The following LHFPL3 variants were observed in gnomAD, a reference collection of about 807,000 sequenced individuals.
LHFPL3 encodes LHFPL tetraspan subfamily member 3 protein.
A neutral mutation model predicts 19.3 loss-of-function variants in LHFPL3; 5 were observed. That is an observed-to-expected ratio of 0.26 (90% CI 0.14 to 0.54). The LOEUF (loss-of-function observed/expected upper bound fraction) is 0.54. LHFPL3 is among the 20% of genes least tolerant of loss of function. The pLI, the probability that LHFPL3 is intolerant of heterozygous loss-of-function variation, is 0.94. For missense variants in LHFPL3, 249 were observed against 307.4 expected (o/e 0.81, Z 1.42); for synonymous variants, 133 against 126.2 (o/e 1.05, Z -0.36).
intron 1 of LHFPL3, among the ~76,000 whole-genome samples, chr7:104,440,725 C>T (rs190131562): frequency 9.2e-5 from 14 of 152,142 alleles, no homozygotes; most frequent in East Asian, 5.8e-4. Context: ...ACATAGATTA[C>T]GTAAATCAAC....
intron 1 of LHFPL3, among the ~76,000 whole-genome samples, chr7:104,735,749 A>C (rs890907364): frequency 6.6e-6 from 1 of 152,220 alleles, no homozygotes; most frequent in Non-Finnish European, 1.5e-5. Flanking sequence ...AGATGAACCC[A>C]GTACCTCAGT....
chr7:104,757,469 T>A (rs1239317467), intron 2 of LHFPL3: 1 of 150,934 alleles, frequency 6.6e-6, no homozygotes, highest in Non-Finnish European at 1.5e-5. Context: ...CCAACAAAGG[T>A]TTAATATCCA....
intron 1 of LHFPL3, among the ~76,000 whole-genome samples, chr7:104,461,519 T>G (rs184450315): frequency 9.2e-5 from 14 of 152,214 alleles, no homozygotes; most frequent in African/African-American, 3.1e-4. Flanking sequence ...GTTATAAGTA[T>G]GCAGCCTTAT....
At chr7:104,355,768 G>A (rs1159818714) in intron 1 of LHFPL3, among the ~76,000 whole-genome samples, 6 of 152,098 alleles carry the variant, frequency 3.9e-5, no homozygotes, top group Admixed American at 2.0e-4. Flanking sequence ...AAATTGGACC[G>A]GGACCTGAAA....
chr7:104,726,110 A>G lies in LHFPL3; in HGVS notation c.446-10565A>G, dbSNP rs140017408. Among the ~76,000 whole-genome samples, 629 of 150,690 alleles carry G rather than the reference A, an allele frequency of 4.2e-3. 4 individuals carry two copies. Among genetic ancestry groups the G allele is most frequent in the African/African-American group, 0.014 (579 of 41,086 alleles). On this transcript the variant is annotated intron_variant, in intron 1 of 2. Coordinates refer to ENST00000424859, the MANE Select transcript of LHFPL3 (RefSeq NM_199000.3). Reference sequence around the variant, plus strand: ...AGTACTTGTAATCTGTTGTCTAATCATAACAAAGTTGCTTCTGTTAAATGT... The same window carrying G: ...AGTACTTGTAATCTGTTGTCTAATCGTAACAAAGTTGCTTCTGTTAAATGT...
intron 1 of LHFPL3, among the ~76,000 whole-genome samples, chr7:104,351,601 T>C (rs528576567): frequency 1.3e-5 from 2 of 152,350 alleles, no homozygotes; most frequent in Admixed American, 6.5e-5. Context: ...TAAATCATAG[T>C]TTAAAATTTT....
intron 1 of LHFPL3, among the ~76,000 whole-genome samples, chr7:104,640,534 G>T (rs6947260): frequency 0.12 from 18,214 of 152,138 alleles, 1,185 homozygotes; most frequent in Non-Finnish European, 0.14. Context: ...ATGGGCATTT[G>T]GTTTGGTTCC....
chr7:104,672,026 T>C (rs1411765084), intron 1 of LHFPL3, among the ~76,000 whole-genome samples: 1 of 151,794 alleles, frequency 6.6e-6, no homozygotes, highest in Non-Finnish European at 1.5e-5. Flanking sequence ...GAATACCTTT[T>C]CTTTTTTCCT....
intron 1 of LHFPL3, among the ~76,000 whole-genome samples, 185 bp from the exon 2 acceptor site, chr7:104,736,490 C>A (rs1243641008): frequency 2.0e-5 from 3 of 148,510 alleles, no homozygotes; most frequent in African/African-American, 7.6e-5. Flanking sequence ...AACACACACA[C>A]GTGCACGTTT....
chr7:104,624,772 G>A (rs1388133428), intron 1 of LHFPL3, among the ~76,000 whole-genome samples: 4 of 152,200 alleles, frequency 2.6e-5, no homozygotes. Context: ...ATGGCAGGTT[G>A]AGATCTATGA....
chr7:104,791,294 C>G (rs1484449246), intron 2 of LHFPL3, among the ~76,000 whole-genome samples: 10 of 152,178 alleles, frequency 6.6e-5, no homozygotes, highest in Admixed American at 6.5e-4. Context: ...GAGAACAAAG[C>G]CTGTGGGCAA....
At chr7:104,370,640 T>G (rs1790595087) in intron 1 of LHFPL3, among the ~76,000 whole-genome samples, 1 of 152,166 alleles carries the variant, frequency 6.6e-6, no homozygotes, top group Non-Finnish European at 1.5e-5. Context: ...CCCAGCACTT[T>G]GGGTGGCCAA....
At chr7:104,663,399 T>C (rs75275987) in intron 1 of LHFPL3, among the ~76,000 whole-genome samples, 30 of 152,318 alleles carry the variant, frequency 2.0e-4, no homozygotes, top group African/African-American at 7.2e-4. Flanking sequence ...TGAACTTTCA[T>C]TGGGAGGGAT....
intron 1 of LHFPL3, chr7:104,668,723 C>G (rs1792411863): frequency 1.9e-6 from 3 of 1,577,482 alleles, no homozygotes; most frequent in African/African-American, 1.4e-5. Context: ...GAGGTCCCCC[C>G]CCCCCCAAAG....
chr7:104,590,193 A>G (rs1330834289), intron 1 of LHFPL3, among the ~76,000 whole-genome samples: 4 of 151,794 alleles, frequency 2.6e-5, no homozygotes, highest in African/African-American at 9.7e-5. Flanking sequence ...TAGTTCTTTC[A>G]ATTGTGATGT....
At chr7:104,589,125 C>G (rs1462232314) in intron 1 of LHFPL3, among the ~76,000 whole-genome samples, 2 of 150,762 alleles carry the variant, frequency 1.3e-5, no homozygotes, top group African/African-American at 2.4e-5. Context: ...CCTGATTGCC[C>G]TGGCCAGAAC....
chr7:104,807,011 A>ATATATGTG (rs1377044318), intron 2 of LHFPL3, among the ~76,000 whole-genome samples: 40 of 139,766 alleles, frequency 2.9e-4, no homozygotes, highest in African/African-American at 9.1e-4. Flanking sequence ...CAAAATATAT[A>ATATATGTG]TGTGTGTGTG....
At chr7:104,801,853 A>ACCCG (rs1303032133) in intron 2 of LHFPL3, among the ~76,000 whole-genome samples, 1 of 152,224 alleles carries the variant, frequency 6.6e-6, no homozygotes, top group Non-Finnish European at 1.5e-5. Flanking sequence ...TACAGATGTC[A>ACCCG]GCCACCATGC....
chr7:104,402,311 A>G (rs558418804), intron 1 of LHFPL3, among the ~76,000 whole-genome samples: 10 of 152,342 alleles, frequency 6.6e-5, no homozygotes, highest in South Asian at 4.1e-4. Context: ...GGGAGATTCT[A>G]CCACCTACTT....
Sources: allele counts gnomAD v4.1 joint callset (sites outside exome capture counted in the v4.1 genomes callset), GRCh38; gene constraint gnomAD v4.1.1; transcripts MANE v1.5; gene names NCBI Gene and HGNC (gene_info 2026-07-23, HGNC 2026-07-21).